The following BBIP1 variants were observed in gnomAD, a reference collection of about 807,000 sequenced individuals.
BBIP1 encodes the protein BBSome interacting protein 1.
A neutral mutation model predicts 8.9 loss-of-function variants in BBIP1; 6 were observed. The ratio of observed to expected loss-of-function variants is 0.67; its 90% CI spans 0.37 to 1.33. The LOEUF is 1.33. BBIP1 is among the 40% of genes most tolerant of loss of function. The pLI, the probability that BBIP1 is intolerant of heterozygous loss-of-function variation, is 0.02. For synonymous variants in BBIP1, 32 were observed against 33.4 expected (o/e 0.96, Z 0.14); for missense variants, 111 against 109.2 (o/e 1.02, Z -0.07).
In BBIP1 at chr10:110,901,587, T is replaced by C. The variant is rs1357794573; in HGVS notation, c.63A>G (p.Ser21=). The change falls in exon 3 of 4, where the codon TCA becomes TCG. Residue 21 remains serine, a synonymous_variant. Transcript: ENST00000448814. ...ACATTGACTTCACTTCTGCCATATCTGAGTTGTTGGATATAGTGTTTTTTC... is the reference window on the plus strand; with the variant it reads ...ACATTGACTTCACTTCTGCCATATCCGAGTTGTTGGATATAGTGTTTTTTC... ...LSGKNTISNN[S]DMAEVKSMFR... 1.3e-6 allele frequency: 2 copies of C among 1,535,502 alleles called. No individual in the cohort carries two copies. Among genetic ancestry groups the C allele is most frequent in the African/African-American group, 2.7e-5 (2 of 73,152 alleles).
chr10:110,915,908 T>C (rs1433865074), intron 2 of BBIP1, among the ~76,000 whole-genome samples: 2 of 152,206 alleles, frequency 1.3e-5, no homozygotes, highest in African/African-American at 2.4e-5. Flanking sequence ...TTTGCCATGT[T>C]GGCCAGGCTG....
rs181743615 is a variant in BBIP1, at chr10:110,901,656, C to T, written c.38-44G>A. On this transcript the variant is annotated intron_variant, in intron 2 of 3. Transcript: ENST00000448814. ...ATTATTCAAGAATACATTCCCAAAGCAGACTGCCTGAGACATTTCCATTGT... is the reference window on the plus strand; with the variant it reads ...ATTATTCAAGAATACATTCCCAAAGTAGACTGCCTGAGACATTTCCATTGT... 6.1e-4 allele frequency: 839 copies of T among 1,383,158 alleles called. 4 individuals are homozygous for T. In the African/African-American group the frequency reaches 0.011, roughly 18 times the overall value. 85.7% of individuals were successfully genotyped at this position (1,383,158 alleles called of 1,614,324 possible). A position where few individuals can be genotyped will look rare whatever the true frequency, so the allele number is the denominator to read the frequency against.
intron 1 of BBIP1, 131 bp from the exon 2 acceptor site, chr10:110,918,344 C>A: frequency 1.7e-6 from 1 of 572,454 alleles, no homozygotes; most frequent in Non-Finnish European, 3.1e-6. Flanking sequence ...GCAGTCAAAG[C>A]TTACAAAGAC....
intron 2 of BBIP1, among the ~76,000 whole-genome samples, chr10:110,908,612 A>G (rs76724572): frequency 0.012 from 1,880 of 152,304 alleles, 45 homozygotes; most frequent in African/African-American, 0.043. Flanking sequence ...ATAATGCAAT[A>G]TAAGTTCTAT....
intron 2 of BBIP1, chr10:110,908,006 TAGAACACA>T: frequency 2.2e-6 from 1 of 453,534 alleles, no homozygotes; most frequent in South Asian, 3.9e-5. Flanking sequence ...CAGTATTGCC[TAGAACACA>T]CTTTGTATTC....
Position 110,900,155 on chromosome 10 carries a change from A to G in BBIP1, c.*205T>C. 2.1e-6 allele frequency: 1 copy of G among 468,386 alleles called. No individual in the cohort carries two copies. Among genetic ancestry groups the G allele is most frequent in the Non-Finnish European group, 3.6e-6 (1 of 280,614 alleles). 29.0% of individuals were successfully genotyped at this position (468,386 alleles called of 1,614,324 possible). ...ACTTAAACCCCATAAAACTTGGTTC[A>G]TAGTTTAACTGTTTATGTTCAATAC... On this transcript the variant is annotated 3_prime_UTR_variant, in exon 4 of 4. Coordinates refer to ENST00000448814, the MANE Select transcript of BBIP1 (RefSeq NM_001195305.3).
chr10:110,919,341 T>C (rs1564697171), upstream of BBIP1: 2 of 367,342 alleles, frequency 5.4e-6, no homozygotes, highest in Non-Finnish European at 9.7e-6. Context: ...AGGCGCCCAG[T>C]GGGCGGGAGA....
At position 110,913,261 on chromosome 10, in the gene BBIP1, G is replaced by T. The variant is rs141214248; in HGVS notation, c.37+4860C>A. Among the ~76,000 whole-genome samples, 219 of 152,264 alleles carry T rather than the reference G, an allele frequency of 1.4e-3. 1 individual carries two copies. Among genetic ancestry groups the T allele is most frequent in the African/African-American group, 5.0e-3 (209 of 41,558 alleles). On this transcript the variant is annotated intron_variant, in intron 2 of 3. Transcript: ENST00000448814. ...TTATTATCTGTCCTGGGTTGTAAGG[G>T]TCAAGTGATAAGTGGATGTAAAAGT...
At chr10:110,913,716 C>A (rs1297578871) in intron 2 of BBIP1, among the ~76,000 whole-genome samples, 2 of 152,228 alleles carry the variant, frequency 1.3e-5, no homozygotes, top group African/African-American at 4.8e-5. Context: ...GTTGCCTAAC[C>A]TAGAGAAGTA....
At chr10:110,906,438 G>T (rs1177813742) in intron 2 of BBIP1, 1 of 152,194 alleles carries the variant, frequency 6.6e-6, no homozygotes, top group African/African-American at 2.4e-5. Flanking sequence ...ATTACACATT[G>T]ATAAAGCAAT....
chr10:110,906,244 G>A (rs1269881962), intron 2 of BBIP1, among the ~76,000 whole-genome samples: 3 of 152,128 alleles, frequency 2.0e-5, no homozygotes, highest in African/African-American at 7.2e-5. Flanking sequence ...CTGACCTCGT[G>A]ATCCGCCCAC....
intron 2 of BBIP1, among the ~76,000 whole-genome samples, chr10:110,915,188 G>C (rs1003829480): frequency 6.6e-6 from 1 of 151,932 alleles, no homozygotes; most frequent in Admixed American, 6.6e-5. Flanking sequence ...ACAGGGTCTC[G>C]CTCTGTTGCT....
chr10:110,902,588 T>G (rs1846030607), intron 2 of BBIP1: 4 of 152,234 alleles, frequency 2.6e-5, no homozygotes. Context: ...TTCTTCTGGT[T>G]TTTGTTATTC....
intron 2 of BBIP1, among the ~76,000 whole-genome samples, chr10:110,914,375 A>T (rs889999881): frequency 6.6e-6 from 1 of 152,058 alleles, no homozygotes; most frequent in African/African-American, 2.4e-5. Context: ...CAAAATTTTT[A>T]TCTTTTGTCT....
In BBIP1 at chr10:110,900,524, G is replaced by T; in HGVS notation, c.115C>A (p.Pro39Thr). The change falls in exon 4 of 4, where the codon CCA becomes ACA. Residue 39 changes from proline to threonine, a missense_variant and splice_region_variant. Coordinates refer to ENST00000448814, the MANE Select transcript of BBIP1 (RefSeq NM_001195305.3). ...MFREVLPKQG[P>T]LFVEDIMTMV... ...GTCATTATATCTTCCACAAACAGTGGCCCTAAGTTTAACAAGAAATAAGAA... is the reference window on the plus strand; with the variant it reads ...GTCATTATATCTTCCACAAACAGTGTCCCTAAGTTTAACAAGAAATAAGAA... The T allele has an allele frequency of 6.6e-7, 1 of 1,513,216 alleles. No individual in the cohort carries two copies. The highest frequency in any genetic ancestry group is 2.5e-5 in the East Asian group (1 of 40,078). 93.7% of individuals were successfully genotyped at this position (1,513,216 alleles called of 1,614,324 possible).
chr10:110,905,036 T>G (rs890733968), intron 2 of BBIP1: 5 of 152,214 alleles, frequency 3.3e-5, no homozygotes, highest in Admixed American at 3.3e-4. Context: ...AGTTTGTAAT[T>G]TCTCCCAGAG....
chr10:110,908,061 A>G (rs1047205343), intron 2 of BBIP1: 20 of 302,454 alleles, frequency 6.6e-5, no homozygotes, highest in Non-Finnish European at 1.1e-4. Flanking sequence ...CATATGTAGT[A>G]AGATGCTATA....
At chr10:110,902,957 A>G (rs1228546905) in intron 2 of BBIP1, 1 of 151,476 alleles carries the variant, frequency 6.6e-6, no homozygotes, top group Non-Finnish European at 1.5e-5. Flanking sequence ...GAAGGTTACT[A>G]GCATTGCAGA....
chr10:110,909,440 C>T (rs1444699343), intron 2 of BBIP1, among the ~76,000 whole-genome samples: 2 of 152,182 alleles, frequency 1.3e-5, no homozygotes, highest in East Asian at 1.9e-4. Flanking sequence ...GTGATCCACC[C>T]GCCTTGGCCT....
Sources: allele counts gnomAD v4.1 joint callset (sites outside exome capture counted in the v4.1 genomes callset), GRCh38; gene constraint gnomAD v4.1.1; transcripts MANE v1.5; gene names NCBI Gene and HGNC (gene_info 2026-07-23, HGNC 2026-07-21).